The following IQSEC1 variants were observed in gnomAD, a reference collection of about 807,000 sequenced individuals.
IQSEC1 encodes IQ motif and Sec7 domain ArfGEF 1.
IQSEC1 carries 31 observed loss-of-function variants against 91.0 expected under a neutral mutation model. That is an observed-to-expected ratio of 0.34 (90% CI 0.26 to 0.46). The LOEUF (loss-of-function observed/expected upper bound fraction) is 0.46. Ranked by LOEUF, IQSEC1 falls within the 20% of genes least tolerant of loss-of-function variation. The pLI is 1.00. For missense variants in IQSEC1, 1,388 were observed against 1,575.6 expected (o/e 0.88, Z 2.02); for synonymous variants, 699 against 662.6 (o/e 1.05, Z -0.84).
intron 2 of IQSEC1, among the ~76,000 whole-genome samples, chr3:13,091,262 T>C (rs1705856549): frequency 6.6e-6 from 1 of 152,242 alleles, no homozygotes; most frequent in Non-Finnish European, 1.5e-5. Context: ...TCTGCCAGGC[T>C]GCTGGTTGCT....
intron 1 of IQSEC1, among the ~76,000 whole-genome samples, chr3:13,222,507 G>A (rs1348854236): frequency 1.3e-5 from 2 of 152,150 alleles, no homozygotes; most frequent in African/African-American, 4.8e-5. Flanking sequence ...CGGATCATAT[G>A]GGAATTGTAT....
intron 1 of IQSEC1, among the ~76,000 whole-genome samples, chr3:13,232,846 T>C (rs1484630921): frequency 6.6e-6 from 1 of 152,072 alleles, no homozygotes; most frequent in Non-Finnish European, 1.5e-5. Flanking sequence ...CACAACAATA[T>C]GGATGAAGCC....
intron 1 of IQSEC1, among the ~76,000 whole-genome samples, chr3:13,182,598 T>C (rs978803359): frequency 1.3e-5 from 2 of 152,142 alleles, no homozygotes; most frequent in Non-Finnish European, 1.5e-5. Context: ...AATGGAAACC[T>C]AGGTGGAATA....
At chr3:13,160,993 T>A (rs1707163756) in intron 2 of IQSEC1, among the ~76,000 whole-genome samples, 1 of 151,972 alleles carries the variant, frequency 6.6e-6, no homozygotes, top group Non-Finnish European at 1.5e-5. Context: ...GAGGCCACCC[T>A]GTCAGCCCCA....
intron 2 of IQSEC1, among the ~76,000 whole-genome samples, chr3:13,142,117 C>T (rs553922574): frequency 2.0e-5 from 3 of 152,358 alleles, no homozygotes; most frequent in Admixed American, 1.3e-4. Context: ...GTCATCCCCT[C>T]CATGGGTGCC....
Position 13,282,987 on chromosome 3 carries a change from C to G in IQSEC1, c.-5G>C, listed in dbSNP as rs1463130138. ...GGGCTCGGCGGCGCTGGCCATGGCCCCCCGCCCGGAGGCCGGCCGCGCCTC... is the reference window on the plus strand; with the variant it reads ...GGGCTCGGCGGCGCTGGCCATGGCCGCCCGCCCGGAGGCCGGCCGCGCCTC... On this transcript the variant is annotated 5_prime_UTR_variant, in exon 1 of 16. Transcript: ENST00000648114. The surrounding 1 kb of genome is among the most constrained non-coding windows in gnomAD (Gnocchi z 6.4). Among the ~76,000 whole-genome samples, 1 of 145,868 alleles carries G rather than the reference C, an allele frequency of 6.9e-6. No homozygotes were observed. Among genetic ancestry groups the G allele is most frequent in the East Asian group, 2.0e-4 (1 of 5,034 alleles).
rs1270400125 is a variant in IQSEC1 at position 12,994,123 on chromosome 3, C to T, written c.24-52258G>A. On this transcript the variant is annotated intron_variant, in intron 1 of 13. Transcript: ENST00000613206. The surrounding 1 kb of genome is among the most constrained non-coding windows in gnomAD (Gnocchi z 4.5). ...AGCCGCCGAGAGCGCGCCGTCCCCG[C>T]GGCCGGCGCGGCCCCAGAGCGTCCG... is the stretch of plus-strand genomic sequence containing the variant. Among the ~76,000 whole-genome samples, 1 of 146,236 alleles carries T rather than the reference C, an allele frequency of 6.8e-6. No individual in the cohort carries two copies. The highest frequency in any genetic ancestry group is 2.0e-4 in the East Asian group (1 of 5,070).
intron 1 of IQSEC1, among the ~76,000 whole-genome samples, chr3:13,257,385 C>T (rs1695308996): frequency 6.6e-6 from 1 of 152,238 alleles, no homozygotes; most frequent in South Asian, 2.1e-4. Context: ...TCAGCCCACA[C>T]TGAACCCCAC....
At chr3:12,952,071 G>A (rs962588892) in intron 1 of IQSEC1, among the ~76,000 whole-genome samples, 2 of 152,132 alleles carry the variant, frequency 1.3e-5, no homozygotes, top group African/African-American at 2.4e-5. Context: ...TATCTAAAAC[G>A]GGACAATACA....
At chr3:12,915,526 G>A in intron 7 of IQSEC1, 68 bp downstream of exon 7, 1 of 1,554,366 alleles carries the variant, frequency 6.4e-7, no homozygotes, top group Non-Finnish European at 8.8e-7. Context: ...GTGGGAGTGA[G>A]AAGGCCTGGC....
In IQSEC1 at chr3:12,899,463, G is replaced by T. The variant is rs1339831313; in HGVS notation, c.*1520C>A. The stretch of plus-strand genomic sequence containing the variant: ...CAAAGTATGGCCCGTGGGTGACTCG[G>T]GCACAGACCTGCCGCGTGCAGGTCT... On this transcript the variant is annotated 3_prime_UTR_variant, in exon 14 of 14. Transcript: ENST00000613206. 8 of 1,603,878 alleles carry T rather than the reference G, an allele frequency of 5.0e-6. No homozygotes were observed. The highest frequency in any genetic ancestry group is 6.8e-6 in the Non-Finnish European group (8 of 1,175,892).
rs1576133651 is a variant in IQSEC1, at chr3:12,994,775, C to A, written c.24-52910G>T. Among the ~76,000 whole-genome samples the A allele has an allele frequency of 6.6e-6, 1 of 152,018 alleles. No homozygotes were observed. Among genetic ancestry groups the A allele is most frequent in the South Asian group, 2.1e-4 (1 of 4,822 alleles). On this transcript the variant is annotated intron_variant, in intron 1 of 13. Coordinates refer to ENST00000613206, the MANE Select transcript of IQSEC1 (RefSeq NM_001134382.3). The surrounding 1 kb of genome is among the most constrained non-coding windows in gnomAD (Gnocchi z 4.5). ...TTTGGGGACGGGGTGGGGACCTGGGCCTGCCGGTGCCGCCCCCATCCCTCA... is the reference window on the plus strand; with the variant it reads ...TTTGGGGACGGGGTGGGGACCTGGGACTGCCGGTGCCGCCCCCATCCCTCA...
rs1199372329 is a variant in IQSEC1, at chr3:13,190,811, G to A, written c.273-26678C>T. ...AGCCGTAAGTTAAAGGAGAGTACAG[G>A]TAAATACACTGAAAGGAGAAAAGTC... On this transcript the variant is annotated intron_variant, in intron 1 of 15. Transcript: ENST00000648114. Among the ~76,000 whole-genome samples the A allele has an allele frequency of 3.3e-5, 5 of 152,298 alleles. No homozygotes were observed. The South Asian group carries it at 8.3e-4, about 25-fold the overall frequency.
intron 3 of IQSEC1, among the ~76,000 whole-genome samples, chr3:12,930,485 G>T (rs866154989): frequency 6.6e-6 from 1 of 152,308 alleles, no homozygotes; most frequent in African/African-American, 2.4e-5. Flanking sequence ...CATCCTGCTT[G>T]CCCAAGTGGT....
intron 2 of IQSEC1, among the ~76,000 whole-genome samples, chr3:13,111,811 A>G (rs1706250966): frequency 6.6e-6 from 1 of 152,142 alleles, no homozygotes; most frequent in South Asian, 2.1e-4. Flanking sequence ...CAGGAACCCA[A>G]TCCACCAGCA....
chr3:13,110,719 A>G (rs1013583381), intron 2 of IQSEC1, among the ~76,000 whole-genome samples: 4 of 152,184 alleles, frequency 2.6e-5, no homozygotes, highest in Non-Finnish European at 4.4e-5. Flanking sequence ...TTGGGGACAC[A>G]GGGGCTTTCC....
intron 3 of IQSEC1, among the ~76,000 whole-genome samples, chr3:12,930,491 G>A (rs1229929598): frequency 2.0e-5 from 3 of 152,206 alleles, no homozygotes; most frequent in Non-Finnish European, 4.4e-5. Context: ...GCTTGCCCAA[G>A]TGGTTCAGGG....
intron 2 of IQSEC1, among the ~76,000 whole-genome samples, chr3:13,111,877 G>C (rs1388742236): frequency 6.6e-6 from 1 of 152,132 alleles, no homozygotes; most frequent in Non-Finnish European, 1.5e-5. Flanking sequence ...TATTCCCGTA[G>C]TTTAAGCCCC....
intron 10 of IQSEC1, 108 bp downstream of exon 10, chr3:12,911,521 C>T: frequency 2.5e-6 from 2 of 803,684 alleles, no homozygotes; most frequent in Non-Finnish European, 4.3e-6. Context: ...GGGGATAAAA[C>T]AGGGGTGAGC....
Sources: gnomAD v4.1 joint callset for allele counts (sites outside exome capture counted in the v4.1 genomes callset) on GRCh38, gnomAD v4.1.1 for gene constraint, Gnocchi (gnomAD v3.1) non-coding constraint, MANE v1.5 for transcripts, NCBI Gene and HGNC (gene_info 2026-07-23, HGNC 2026-07-21) for gene names.